Variants in RYR3 observed in about 807,000 individuals in gnomAD.
RYR3 encodes ryanodine receptor 3, also known as brain ryanodine receptor-calcium release channel.
Under a neutral mutation model 584.3 loss-of-function variants are expected in RYR3, and 207 were observed. The observed-to-expected ratio is 0.35, with a 90% CI of 0.32 to 0.40. The LOEUF is 0.40. RYR3 is among the 10% of genes least tolerant of loss of function. The probability of loss-of-function intolerance (pLI) is 1.00; values close to 1 mark genes in which losing one functional copy is unlikely to be tolerated. For missense variants in RYR3, 5,616 were observed against 6,089.2 expected, an observed-to-expected ratio of 0.92 and a Z score of 2.59; for synonymous variants, 2,416 against 2,248.5, an observed-to-expected ratio of 1.07 and a Z score of -2.11.
At position 33,865,931 on chromosome 15, in the gene RYR3, G is replaced by C. The variant is rs2153031615; in HGVS notation, c.*705G>C. The C allele has an allele frequency of 6.5e-6, 1 of 152,796 alleles. No homozygotes were observed. The highest frequency in any genetic ancestry group is 2.4e-5 in the African/African-American group (1 of 41,564). 9.5% of individuals were successfully genotyped at this position (152,796 alleles called of 1,614,324 possible). A position where few individuals can be genotyped will look rare whatever the true frequency, so the allele number is the denominator to read the frequency against. The stretch of plus-strand genomic sequence containing the variant: ...TTTTAGTAACAGCTGTCAGTCAACT[G>C]CTGTTATTAGAAGAAAAGTACTGTA... On this transcript the variant is annotated 3_prime_UTR_variant, in exon 104 of 104. Coordinates refer to ENST00000634891, the MANE Select transcript of RYR3 (RefSeq NM_001036.6).
At chr15:33,336,783 G>C (rs1225316637) in intron 1 of RYR3, among the ~76,000 whole-genome samples, 2 of 151,934 alleles carry the variant, frequency 1.3e-5, no homozygotes, top group Admixed American at 6.5e-5. Context: ...CTGGCCGGGC[G>C]TGGTGGCTCA....
At chr15:33,735,490 G>C (rs920020434) in intron 48 of RYR3, among the ~76,000 whole-genome samples, 1 of 152,082 alleles carries the variant, frequency 6.6e-6, no homozygotes, top group Non-Finnish European at 1.5e-5. Flanking sequence ...AAAAATCCAG[G>C]GATTCATGAG....
At chr15:33,420,842 G>C (rs974121467) in intron 1 of RYR3, among the ~76,000 whole-genome samples, 2 of 152,046 alleles carry the variant, frequency 1.3e-5, no homozygotes, top group African/African-American at 4.8e-5. Flanking sequence ...ACCTACTGTT[G>C]GTAAAATGAA....
chr15:33,553,880 G>A (rs990936784), intron 10 of RYR3, among the ~76,000 whole-genome samples: 1 of 152,182 alleles, frequency 6.6e-6, no homozygotes, highest in African/African-American at 2.4e-5. Flanking sequence ...ATTCAGACCT[G>A]ACTGCTGCCT....
chr15:33,701,178 A>G lies in RYR3; in HGVS notation c.6483+98A>G, dbSNP rs572955889. The G allele has an allele frequency of 1.2e-3, 898 of 720,168 alleles. 2 individuals carry two copies. Among genetic ancestry groups the G allele is most frequent in the African/African-American group, 5.1e-3 (291 of 56,914 alleles). 44.6% of individuals were successfully genotyped at this position (720,168 alleles called of 1,614,324 possible). ...CCACGGATGGAGTCTCTGTCACTGT[A>G]TCGTCATCTTGGTGGGCTTGTAGGG... On this transcript the variant is annotated intron_variant, in intron 42 of 103. Coordinates refer to ENST00000634891, the MANE Select transcript of RYR3 (RefSeq NM_001036.6).
intron 27 of RYR3, among the ~76,000 whole-genome samples, chr15:33,640,692 G>A (rs2061757923): frequency 6.6e-6 from 1 of 152,098 alleles, no homozygotes; most frequent in Admixed American, 6.6e-5. Flanking sequence ...TCAGAACTGG[G>A]GGTCCTGTAC....
chr15:33,451,764 G>A (rs189528975), intron 1 of RYR3, among the ~76,000 whole-genome samples: 88 of 152,314 alleles, frequency 5.8e-4, no homozygotes, highest in Middle Eastern at 6.8e-3. Context: ...TAATATTTCT[G>A]CTTTATAGTT....
chr15:33,740,038 A>G (rs775660961), intron 51 of RYR3, 43 bp downstream of exon 51: 10 of 1,568,140 alleles, frequency 6.4e-6, no homozygotes, highest in Non-Finnish European at 8.8e-6. Flanking sequence ...TATTTTGTCC[A>G]ATAGCCAATG....
Position 33,553,495 on chromosome 15 carries a change from G to A in RYR3, c.972+3179G>A, listed in dbSNP as rs140509112. ...GTGTGATTGAGCCTTGCTGAAAGGT[G>A]ACCAAGTCCAAGAACCAACCAGCTG... On this transcript the variant is annotated intron_variant, in intron 10 of 103. Transcript: ENST00000634891. Among the ~76,000 whole-genome samples, 94 of 152,232 alleles carry A rather than the reference G, an allele frequency of 6.2e-4. 1 individual carries two copies. Among genetic ancestry groups the A allele is most frequent in the African/African-American group, 2.2e-3 (93 of 41,546 alleles).
intron 67 of RYR3, among the ~76,000 whole-genome samples, chr15:33,790,846 G>A (rs1031859166): frequency 1.3e-5 from 2 of 152,228 alleles, no homozygotes; most frequent in African/African-American, 4.8e-5. Flanking sequence ...AGAAACCAAC[G>A]AGACAGTAGG....
chr15:33,782,385 A>C (rs2074440721), intron 65 of RYR3, among the ~76,000 whole-genome samples: 1 of 152,238 alleles, frequency 6.6e-6, no homozygotes, highest in African/African-American at 2.4e-5. Context: ...CCACCATTGC[A>C]TATTCCAAAG....
At chr15:33,654,191 T>C (rs1307759726) in intron 32 of RYR3, among the ~76,000 whole-genome samples, 1 of 151,970 alleles carries the variant, frequency 6.6e-6, no homozygotes, top group Non-Finnish European at 1.5e-5. Flanking sequence ...TAAGGAGAAA[T>C]CTTGATTTAT....
intron 16 of RYR3, among the ~76,000 whole-genome samples, chr15:33,592,479 G>C (rs1173360106): frequency 1.3e-5 from 2 of 152,178 alleles, no homozygotes; most frequent in African/African-American, 4.8e-5. Flanking sequence ...TCCCTTGTTG[G>C]ATATCTGTAT....
At chr15:33,424,474 G>C (rs998434653) in intron 1 of RYR3, among the ~76,000 whole-genome samples, 3 of 152,180 alleles carry the variant, frequency 2.0e-5, no homozygotes, top group Admixed American at 6.5e-5. Flanking sequence ...TTGGTACTTT[G>C]TAAGAGGCCC....
intron 103 of RYR3, 200 bp from the exon 104 acceptor site, chr15:33,864,931 G>GC (rs1293766893): frequency 9.4e-5 from 48 of 511,460 alleles, no homozygotes; most frequent in Non-Finnish European, 1.7e-4. Flanking sequence ...CTCCTTCCCT[G>GC]CCAGCATGTG....
intron 1 of RYR3, among the ~76,000 whole-genome samples, chr15:33,386,393 T>C (rs1386319225): frequency 6.6e-6 from 1 of 152,230 alleles, no homozygotes; most frequent in Non-Finnish European, 1.5e-5. Context: ...GTGTTGCTAA[T>C]ATTGATTACT....
At chr15:33,467,224 C>T (rs1330978236) in intron 1 of RYR3, among the ~76,000 whole-genome samples, 3 of 152,232 alleles carry the variant, frequency 2.0e-5, no homozygotes, top group African/African-American at 7.2e-5. Flanking sequence ...TGCACTTAAA[C>T]ATGAAATCTG....
chr15:33,356,083 G>C (rs1321543923), intron 1 of RYR3, among the ~76,000 whole-genome samples: 5 of 152,152 alleles, frequency 3.3e-5, no homozygotes, highest in African/African-American at 1.2e-4. Context: ...TGTGAGTATA[G>C]ATTTGTGAAT....
At chr15:33,748,746 A>G (rs2070993130) in intron 55 of RYR3, among the ~76,000 whole-genome samples, 1 of 152,172 alleles carries the variant, frequency 6.6e-6, no homozygotes, top group Non-Finnish European at 1.5e-5. Context: ...TAAGGACTTC[A>G]TGATGGATGC....
Sources: allele counts gnomAD v4.1 joint callset (sites outside exome capture counted in the v4.1 genomes callset), GRCh38; gene constraint gnomAD v4.1.1; transcripts MANE v1.5; gene names NCBI Gene and HGNC (gene_info 2026-07-23, HGNC 2026-07-21).